Variants in CA5B observed in about 807,000 individuals in gnomAD.
The protein encoded by CA5B is carbonic anhydrase 5B, also known as carbonic anhydrase 5B, mitochondrial.
In CA5B, 15 loss-of-function variants were observed where a neutral mutation model predicts 23.1. That is an observed-to-expected ratio of 0.65 (90% CI 0.43 to 1.00). The LOEUF is 1.00. Ranked by LOEUF, CA5B falls within the 50% of genes least tolerant of loss-of-function variation. The probability of loss-of-function intolerance (pLI) is 0.00; values close to 1 mark genes in which losing one functional copy is unlikely to be tolerated. For synonymous variants in CA5B, 84 were observed against 98.5 expected, an observed-to-expected ratio of 0.85 and a Z score of 0.87; for missense variants, 236 against 252.2, an observed-to-expected ratio of 0.94 and a Z score of 0.43.
chrX:15,756,109 T>G (rs1412590299), intron 2 of CA5B, among the ~76,000 whole-genome samples: 1 of 111,481 alleles, frequency 9.0e-6, no homozygotes, highest in Admixed American at 9.6e-5. Context: ...GATGCTTTAT[T>G]TAAGGTGGGA....
At chrX:15,750,374 T>C (rs1268078647) in intron 2 of CA5B, 1 of 332,107 alleles carries the variant, frequency 3.0e-6, no homozygotes, top group African/African-American at 2.6e-5. Context: ...CCTTATGAAC[T>C]GTGAGAATAA....
rs1931670202 is a variant in CA5B, at chrX:15,764,632, C to T, written c.197C>T (p.Pro66Leu). The T allele has an allele frequency of 8.5e-7, 1 of 1,180,052 alleles. No individual in the cohort carries two copies. The highest frequency in any genetic ancestry group is 1.1e-6 in the Non-Finnish European group (1 of 882,888). ...DLVPGGDRQS[P>L]INIRWRDSVY... ...GTTCCTGGGGGCGATCGCCAGTCAC[C>T]CATCAACATTCGGTGGAGGGACAGT... The change falls in exon 3 of 8, where the codon CCC becomes CTC. Residue 66 changes from proline (P) to leucine (L), a missense_variant. Pro to Leu is a moderately conservative substitution (Grantham distance 98, BLOSUM62 -3). Around this residue, in one of 3 missense-constraint regions of CA5B, gnomAD observed 12 missense variants for 43.6 expected, o/e 0.28. Coordinates refer to ENST00000318636, the MANE Select transcript of CA5B (RefSeq NM_007220.4).
intron 1 of CA5B, among the ~76,000 whole-genome samples, chrX:15,740,399 A>G (rs1051230823): frequency 2.7e-5 from 3 of 112,805 alleles, no homozygotes; most frequent in Admixed American, 9.4e-5. Context: ...TTAAAAAACT[A>G]TAACTTCTAA....
At position 15,750,033 on chromosome X, in the gene CA5B, A is replaced by G. The variant is rs1455096191; in HGVS notation, c.10A>G (p.Met4Val). 1.7e-6 allele frequency: 2 copies of G among 1,208,494 alleles called. No homozygotes were observed. The highest frequency in any genetic ancestry group is 3.5e-5 in the African/African-American group (2 of 57,740). ...AGATTTCAAGCTAAAGATGGTGGTG[A>G]TGAACAGCCTGAGGGTCATTCTTCA... MVVMNSLRVILQAS... is the reference protein window; with the variant it reads MVVVNSLRVILQAS... The change falls in exon 2 of 8, where the codon ATG becomes GTG. Residue 4 changes from methionine (M) to valine (V), a missense_variant. Met to Val is a conservative substitution (Grantham distance 21). This residue lies in a region of CA5B where 54 missense variants were observed against 46.6 expected (regional missense o/e 1.16). Transcript: ENST00000318636.
At chrX:15,740,602 G>C (rs1931099656) in intron 1 of CA5B, among the ~76,000 whole-genome samples, 1 of 111,956 alleles carries the variant, frequency 8.9e-6, no homozygotes, top group African/African-American at 3.2e-5. Context: ...ATCCTTCATG[G>C]CTCCTTTTTG....
intron 1 of CA5B, among the ~76,000 whole-genome samples, chrX:15,742,462 C>T (rs1436010108): frequency 2.7e-5 from 3 of 112,595 alleles, no homozygotes; most frequent in Non-Finnish European, 5.6e-5. Flanking sequence ...CAACCTCCAC[C>T]TCCTGGGTTC....
intron 3 of CA5B, chrX:15,764,995 A>G (rs1333902871): frequency 4.3e-5 from 19 of 442,169 alleles, no homozygotes; most frequent in Non-Finnish European, 7.2e-5. Flanking sequence ...TAATAAATAT[A>G]TCTCTATCTC....
Position 15,784,859 on chromosome X carries a change from A to G in CA5B, c.*2195A>G, listed in dbSNP as rs934640648. The G allele has an allele frequency of 1.8e-5, 2 of 112,283 alleles. No homozygotes were observed. The highest frequency in any genetic ancestry group is 6.5e-5 in the African/African-American group (2 of 30,953). The allele number at this position is 112,283 out of a possible 1,213,427, so 9.3% of individuals were successfully genotyped here. On this transcript the variant is annotated 3_prime_UTR_variant, in exon 8 of 8. Coordinates refer to ENST00000318636, the MANE Select transcript of CA5B (RefSeq NM_007220.4). ...ACAACTCAACAACAAAAAACCAAAT[A>G]ACTCAATTTTTAAAAATGGGCAAAG... is the stretch of plus-strand genomic sequence containing the variant.
At chrX:15,749,469 G>T (rs1386562974) in intron 1 of CA5B, among the ~76,000 whole-genome samples, 2 of 111,810 alleles carry the variant, frequency 1.8e-5, no homozygotes. Flanking sequence ...TATTTTGGCA[G>T]GATGTATCTT....
chrX:15,773,281 A>G (rs1931854728), intron 4 of CA5B, among the ~76,000 whole-genome samples: 1 of 110,630 alleles, frequency 9.0e-6, no homozygotes, highest in African/African-American at 3.3e-5. Flanking sequence ...GCTTTGTGAG[A>G]CAGGGTCTCA....
rs1318464400 is a variant in CA5B, at chrX:15,776,833, C to A, written c.738C>A (p.Ile246=). Residue 246 remains isoleucine, a synonymous_variant, in exon 7 of 8, where the codon ATC becomes ATA. Transcript: ENST00000318636. ...CCCTCTCCGAGTCTGTCACCTGGAT[C>A]ATTAAGAAGCAACCAGTAGAGGTTG... ...TPPLSESVTW[I]IKKQPVEVDH... 8.3e-7 allele frequency: 1 copy of A among 1,209,500 alleles called. No individual in the cohort carries two copies. Among genetic ancestry groups the A allele is most frequent in the East Asian group, 3.0e-5 (1 of 33,858 alleles).
chrX:15,772,470 C>T lies in CA5B; in HGVS notation c.341-26C>T, dbSNP rs149381471. ...CCTCCACTGCACAAATAACTCTTCC[C>T]TGAATTGTTGGATGTGCCATTTTAG... On this transcript the variant is annotated intron_variant, in intron 3 of 7. Transcript: ENST00000318636. The T allele has an allele frequency of 6.0e-4, 634 of 1,049,420 alleles. 2 individuals are homozygous for T. In the East Asian group the frequency reaches 0.017, roughly 29 times the overall value. The allele number at this position is 1,049,420 out of a possible 1,213,427, so 86.5% of individuals were successfully genotyped here.
intron 1 of CA5B, among the ~76,000 whole-genome samples, chrX:15,745,888 T>G (rs1931220041): frequency 8.9e-6 from 1 of 111,931 alleles, no homozygotes; most frequent in East Asian, 2.8e-4. Flanking sequence ...CATAGCTTTT[T>G]GCATTTATAT....
intron 3 of CA5B, among the ~76,000 whole-genome samples, chrX:15,770,277 G>C (rs1931793085): frequency 9.0e-6 from 1 of 110,894 alleles, no homozygotes; most frequent in Admixed American, 9.6e-5. Context: ...TCGTGCCACT[G>C]CATTCCAGCC....
intron 1 of CA5B, among the ~76,000 whole-genome samples, chrX:15,745,159 ACT>A (rs1180107685): frequency 2.4e-5 from 2 of 82,554 alleles, no homozygotes; most frequent in Non-Finnish European, 4.7e-5. Flanking sequence ...ACAGAGCGTG[ACT>A]CTGTCTCAAA....
intron 2 of CA5B, among the ~76,000 whole-genome samples, chrX:15,755,304 G>C (rs753846540): frequency 1.8e-5 from 2 of 112,105 alleles, no homozygotes; most frequent in East Asian, 2.8e-4. Flanking sequence ...AATGTGGGCT[G>C]TAGTCTCCTG....
At chrX:15,762,445 A>C (rs1464381081) in intron 2 of CA5B, among the ~76,000 whole-genome samples, 1 of 108,071 alleles carries the variant, frequency 9.3e-6, no homozygotes, top group Non-Finnish European at 1.9e-5. Flanking sequence ...TCTCATCCTT[A>C]TTCTTTTTTT....
At chrX:15,770,909 A>G (rs891601374) in intron 3 of CA5B, among the ~76,000 whole-genome samples, 11 of 109,710 alleles carry the variant, frequency 1.0e-4, no homozygotes, top group Non-Finnish European at 1.9e-4. Flanking sequence ...CTGGGACTAC[A>G]GGCACCCGCC....
At chrX:15,757,647 G>T (rs1344275025) in intron 2 of CA5B, among the ~76,000 whole-genome samples, 1 of 108,465 alleles carries the variant, frequency 9.2e-6, no homozygotes, top group Non-Finnish European at 1.9e-5. Context: ...GGTGGAGGTT[G>T]CAGTGAGCCA....
Sources: gnomAD v4.1 joint callset for allele counts (sites outside exome capture counted in the v4.1 genomes callset) on GRCh38, gnomAD v4.1.1 for gene constraint, gnomAD v4.1.1 regional missense constraint, MANE v1.5 for transcripts, NCBI Gene and HGNC (gene_info 2026-07-23, HGNC 2026-07-21) for gene names.